TSHZ2: variants seen among roughly 807,000 people sequenced by gnomAD.
TSHZ2 encodes the protein teashirt zinc finger homeobox 2.
Under a neutral mutation model 74.4 loss-of-function variants are expected in TSHZ2, and 21 were observed. The observed-to-expected ratio is 0.28, with a 90% CI of 0.20 to 0.41. The LOEUF is 0.41. Among genes scored for constraint, TSHZ2 ranks in the 10% least tolerant of loss-of-function variants. The pLI is 1.00. For synonymous variants in TSHZ2, 540 were observed against 515.3 expected (o/e 1.05, Z -0.65); for missense variants, 1,244 against 1,293.5 (o/e 0.96, Z 0.59).
At chr20:53,312,621 C>T (rs573048453) in intron 2 of TSHZ2, among the ~76,000 whole-genome samples, 1 of 152,256 alleles carries the variant, frequency 6.6e-6, no homozygotes, top group Non-Finnish European at 1.5e-5. Context: ...CCAAGCACCG[C>T]GTGGGTGAGA....
chr20:53,378,241 G>A (rs1245985207), intron 2 of TSHZ2, among the ~76,000 whole-genome samples: 5 of 151,946 alleles, frequency 3.3e-5, no homozygotes, highest in African/African-American at 7.2e-5. Context: ...TCGGAAAGCT[G>A]ATGCAGGGGA....
chr20:53,348,105 A>T (rs1980508246), intron 2 of TSHZ2, among the ~76,000 whole-genome samples: 1 of 152,220 alleles, frequency 6.6e-6, no homozygotes, highest in Non-Finnish European at 1.5e-5. Context: ...TCAATAAGAT[A>T]AACATGAAGT....
intron 2 of TSHZ2, among the ~76,000 whole-genome samples, chr20:53,406,717 AAAT>A (rs1982866082): frequency 6.6e-6 from 1 of 152,218 alleles, no homozygotes; most frequent in Non-Finnish European, 1.5e-5. Context: ...TATGGGTCCC[AAAT>A]AATGACAGAA....
intron 2 of TSHZ2, among the ~76,000 whole-genome samples, chr20:53,307,970 C>T (rs1978615748): frequency 6.6e-6 from 1 of 152,190 alleles, no homozygotes; most frequent in African/African-American, 2.4e-5. Flanking sequence ...GCTACAAATT[C>T]CTCTCTCACT....
chr20:53,123,580 A>G (rs1986871971), intron 1 of TSHZ2, among the ~76,000 whole-genome samples: 1 of 151,354 alleles, frequency 6.6e-6, no homozygotes, highest in African/African-American at 2.5e-5. Context: ...AAGTCCATTC[A>G]GGTAAGCATT....
At chr20:53,371,309 A>G (rs1196115119) in intron 2 of TSHZ2, among the ~76,000 whole-genome samples, 1 of 152,228 alleles carries the variant, frequency 6.6e-6, no homozygotes, top group African/African-American at 2.4e-5. Flanking sequence ...TCTGGGAACC[A>G]CCGAATGATT....
intron 1 of TSHZ2, among the ~76,000 whole-genome samples, chr20:52,981,153 T>A (rs1981553346): frequency 6.6e-6 from 1 of 152,214 alleles, no homozygotes; most frequent in Non-Finnish European, 1.5e-5. Context: ...CCCCTTGGGA[T>A]TAGATTTGAG....
At chr20:53,424,648 C>T (rs1004137924) in intron 2 of TSHZ2, among the ~76,000 whole-genome samples, 1 of 151,866 alleles carries the variant, frequency 6.6e-6, no homozygotes. Context: ...TGGTGGTTTC[C>T]TGCACCTGTC....
intron 2 of TSHZ2, among the ~76,000 whole-genome samples, chr20:53,430,461 T>C (rs1043787167): frequency 1.3e-5 from 2 of 151,682 alleles, no homozygotes; most frequent in African/African-American, 4.8e-5. Flanking sequence ...ATTAAAAAAA[T>C]AGAGAGAGAA....
intron 1 of TSHZ2, among the ~76,000 whole-genome samples, chr20:53,200,055 G>A (rs935696500): frequency 7.9e-5 from 12 of 152,164 alleles, no homozygotes; most frequent in African/African-American, 2.4e-4. Flanking sequence ...ATCCTGGGAG[G>A]AACAACCAAT....
chr20:53,096,695 C>A (rs1286707232), intron 1 of TSHZ2, among the ~76,000 whole-genome samples: 2 of 151,734 alleles, frequency 1.3e-5, no homozygotes, highest in Non-Finnish European at 2.9e-5. Context: ...CTAGCCTGGC[C>A]AACATGGTGA....
chr20:53,414,873 C>T lies in TSHZ2; in HGVS notation c.*9-72271C>T, dbSNP rs74812119. Among the ~76,000 whole-genome samples the T allele has an allele frequency of 3.9e-5, 6 of 152,254 alleles. No individual in the cohort carries two copies. The East Asian group carries it at 5.8e-4, about 15-fold the overall frequency. ...ACCTGGGTCTGCCGCCTTCCAGCCA[C>T]GTGACCTAAGATAAGCCATGTCACT... On this transcript the variant is annotated intron_variant, in intron 2 of 2. Transcript: ENST00000371497.
chr20:53,386,223 G>A (rs975363722), intron 2 of TSHZ2, among the ~76,000 whole-genome samples: 23 of 152,112 alleles, frequency 1.5e-4, no homozygotes, highest in African/African-American at 5.6e-4. Context: ...ACACAGAGGG[G>A]GCAAGAAAGA....
intron 2 of TSHZ2, among the ~76,000 whole-genome samples, chr20:53,363,930 G>A (rs1162959101): frequency 6.6e-6 from 1 of 152,162 alleles, no homozygotes; most frequent in African/African-American, 2.4e-5. Flanking sequence ...CACGTACTGG[G>A]CATAGAGTGG....
intron 1 of TSHZ2, among the ~76,000 whole-genome samples, chr20:53,090,259 G>A (rs962475099): frequency 2.6e-5 from 4 of 152,102 alleles, no homozygotes; most frequent in Admixed American, 6.5e-5. Flanking sequence ...CCAGACTGAG[G>A]GTGGGTCTGC....
intron 1 of TSHZ2, among the ~76,000 whole-genome samples, chr20:53,159,740 C>G (rs564467020): frequency 6.6e-6 from 1 of 150,382 alleles, no homozygotes; most frequent in Non-Finnish European, 1.5e-5. Context: ...TGACTTTATT[C>G]TTTCAGTTGA....
chr20:53,026,976 C>A (rs1190922994), intron 1 of TSHZ2, among the ~76,000 whole-genome samples: 1 of 151,706 alleles, frequency 6.6e-6, no homozygotes, highest in Non-Finnish European at 1.5e-5. Flanking sequence ...GACAGCGAGA[C>A]CCTGTCTTTA....
intron 1 of TSHZ2, among the ~76,000 whole-genome samples, chr20:53,222,354 G>A (rs530917361): frequency 5.9e-5 from 9 of 152,286 alleles, no homozygotes; most frequent in African/African-American, 1.7e-4. Context: ...GCTTTCAGTG[G>A]TGTACCTCAA....
chr20:53,163,763 AC>A (rs1320111495), intron 1 of TSHZ2, among the ~76,000 whole-genome samples: 1 of 152,156 alleles, frequency 6.6e-6, no homozygotes, highest in African/African-American at 2.4e-5. Context: ...CAGTGGCTTG[AC>A]TGCAACCTGG....
Sources: gnomAD v4.1 joint callset for allele counts (sites outside exome capture counted in the v4.1 genomes callset) on GRCh38, gnomAD v4.1.1 for gene constraint, MANE v1.5 for transcripts, NCBI Gene and HGNC (gene_info 2026-07-23, HGNC 2026-07-21) for gene names.